Variants in NEURL1 observed in about 807,000 individuals in gnomAD.
The protein encoded by NEURL1 is neuralized E3 ubiquitin protein ligase 1.
A neutral mutation model predicts 41.2 loss-of-function variants in NEURL1; 26 were observed. The observed-to-expected ratio is 0.63, with a 90% CI of 0.46 to 0.87. NEURL1 has a LOEUF of 0.87. Among genes scored for constraint, NEURL1 ranks in the 40% least tolerant of loss-of-function variants. The pLI, the probability that NEURL1 is intolerant of heterozygous loss-of-function variation, is 0.00. For synonymous variants in NEURL1, 400 were observed against 402.3 expected, an observed-to-expected ratio of 0.99 and a Z score of 0.07; for missense variants, 761 against 871.1, an observed-to-expected ratio of 0.87 and a Z score of 1.59.
chr10:103,510,729 C>A (rs568850986), intron 1 of NEURL1, among the ~76,000 whole-genome samples: 2 of 152,322 alleles, frequency 1.3e-5, no homozygotes, highest in Non-Finnish European at 2.9e-5. Context: ...AGGACTGCCA[C>A]CCACACCCCT....
chr10:103,591,545 C>T lies in NEURL1; in HGVS notation c.*1173C>T, dbSNP rs894392890. The T allele has an allele frequency of 6.6e-6, 1 of 152,008 alleles. No homozygotes were observed. The highest frequency in any genetic ancestry group is 1.5e-5 in the Non-Finnish European group (1 of 68,014). 9.4% of individuals were successfully genotyped at this position (152,008 alleles called of 1,614,324 possible). A position where few individuals can be genotyped will look rare whatever the true frequency, so the allele number is the denominator to read the frequency against. ...GAGGCAGTCATAATGCAGTATCTTCCCCTGACTCCAGCCACAAAGCTCATA... is the reference window on the plus strand; with the variant it reads ...GAGGCAGTCATAATGCAGTATCTTCTCCTGACTCCAGCCACAAAGCTCATA... On this transcript the variant is annotated 3_prime_UTR_variant, in exon 6 of 6. Transcript: ENST00000369780.
Position 103,584,779 on chromosome 10 carries a change from C to T in NEURL1, c.893C>T (p.Ala298Val). The T allele has an allele frequency of 6.9e-7, 1 of 1,441,960 alleles. No homozygotes were observed. The highest frequency in any genetic ancestry group is 9.1e-7 in the Non-Finnish European group (1 of 1,102,582). The allele number at this position is 1,441,960 out of a possible 1,614,324, so 89.3% of individuals were successfully genotyped here. The part of the protein sequence containing the change: ...AQLDGDLRFH[A>V]LRAGAHVRIL... The stretch of plus-strand genomic sequence containing the variant: ...CTCGACGGCGACCTGCGTTTCCACG[C>T]CCTGCGCGCCGGCGCGCACGTCCGC... Residue 298 changes from alanine (A) to valine (V), a missense_variant, in exon 4 of 6, where the codon GCC (alanine) becomes GTC (valine). Around this residue, in one of 5 missense-constraint regions of NEURL1, gnomAD observed 443 missense variants for 408.1 expected, o/e 1.09. Transcript: ENST00000369780.
intron 3 of NEURL1, among the ~76,000 whole-genome samples, chr10:103,577,311 G>C (rs2035686932): frequency 6.6e-6 from 1 of 152,086 alleles, no homozygotes; most frequent in Non-Finnish European, 1.5e-5. Flanking sequence ...CATTCAAAAT[G>C]ACCCTTCCTC....
At chr10:103,506,483 T>G (rs2033947702) in intron 1 of NEURL1, among the ~76,000 whole-genome samples, 1 of 152,116 alleles carries the variant, frequency 6.6e-6, no homozygotes, top group South Asian at 2.1e-4. Flanking sequence ...GGGCCCTGCC[T>G]TGTCCAATTC....
chr10:103,555,199 C>G (rs546184966), intron 1 of NEURL1: 2 of 593,124 alleles, frequency 3.4e-6, no homozygotes, highest in African/African-American at 4.3e-5. Context: ...GGGCGGCGTG[C>G]GCGTGTGCCG....
intron 1 of NEURL1, among the ~76,000 whole-genome samples, chr10:103,551,490 G>C (rs2035031418): frequency 6.6e-6 from 1 of 151,954 alleles, no homozygotes; most frequent in African/African-American, 2.4e-5. Flanking sequence ...TTTTGGTAGA[G>C]ATGGGGTTTC....
rs1326152759 is a variant in NEURL1 at position 103,591,343 on chromosome 10, TG to T, written c.*975del. 1 of 152,526 alleles carries T rather than the reference TG, an allele frequency of 6.6e-6. No homozygotes were observed. Among genetic ancestry groups the T allele is most frequent in the Non-Finnish European group, 1.5e-5 (1 of 68,102 alleles). 9.4% of individuals were successfully genotyped at this position (152,526 alleles called of 1,614,324 possible). A position where few individuals can be genotyped will look rare whatever the true frequency, so the allele number is the denominator to read the frequency against. On this transcript the variant is annotated 3_prime_UTR_variant, in exon 6 of 6. Transcript: ENST00000369780. ...ACCTGGGATGGGCCAGGGCCCTGGG[TG>T]GGGAGGTGTGGGTTCCCTGGGCCAA...
At chr10:103,559,461 G>A (rs1007579597) in intron 1 of NEURL1, among the ~76,000 whole-genome samples, 7 of 152,122 alleles carry the variant, frequency 4.6e-5, no homozygotes, top group Non-Finnish European at 7.4e-5. Context: ...GGCAGTTGGA[G>A]CTGAAGGTGG....
intron 3 of NEURL1, among the ~76,000 whole-genome samples, chr10:103,579,387 G>A (rs897323744): frequency 3.9e-5 from 6 of 152,190 alleles, no homozygotes; most frequent in African/African-American, 1.4e-4. Context: ...CTGTAAAGGA[G>A]AGAAGACTCA....
chr10:103,499,901 C>G (rs956352275), intron 1 of NEURL1, among the ~76,000 whole-genome samples: 1 of 152,228 alleles, frequency 6.6e-6, no homozygotes, highest in African/African-American at 2.4e-5. Flanking sequence ...TCCCAAAGTA[C>G]TATCTTCATC....
chr10:103,495,809 A>T (rs1468001400), intron 1 of NEURL1, among the ~76,000 whole-genome samples: 1 of 152,174 alleles, frequency 6.6e-6, no homozygotes, highest in African/African-American at 2.4e-5. Flanking sequence ...AAGATACTTT[A>T]AAAATATCAA....
At chr10:103,535,728 G>C (rs542372986) in intron 1 of NEURL1, among the ~76,000 whole-genome samples, 1 of 152,164 alleles carries the variant, frequency 6.6e-6, no homozygotes, top group Non-Finnish European at 1.5e-5. Context: ...AGAAGGAGGG[G>C]TAGATGGAGT....
At chr10:103,562,259 T>G (rs2035311013) in intron 1 of NEURL1, among the ~76,000 whole-genome samples, 1 of 152,170 alleles carries the variant, frequency 6.6e-6, no homozygotes, top group African/African-American at 2.4e-5. Flanking sequence ...GGCTCGCGCC[T>G]GTAATCCCAG....
At chr10:103,548,024 T>C (rs560994923) in intron 1 of NEURL1, among the ~76,000 whole-genome samples, 16 of 152,220 alleles carry the variant, frequency 1.1e-4, no homozygotes, top group Admixed American at 5.2e-4. Context: ...GCAAATCTTA[T>C]GTATTCAGAC....
intron 1 of NEURL1, among the ~76,000 whole-genome samples, chr10:103,540,902 C>CA (rs1298072273): frequency 1.3e-5 from 2 of 152,194 alleles, no homozygotes; most frequent in Non-Finnish European, 2.9e-5. Context: ...TGGGCCACAT[C>CA]AGTCATTTCT....
chr10:103,536,456 A>G (rs1042441646), intron 1 of NEURL1, among the ~76,000 whole-genome samples: 9 of 152,120 alleles, frequency 5.9e-5, no homozygotes, highest in Non-Finnish European at 2.9e-5. Flanking sequence ...AGGCAGGAGA[A>G]TCTCTTGAAC....
At chr10:103,540,289 C>CTT (rs3976809) in intron 1 of NEURL1, among the ~76,000 whole-genome samples, 38,955 of 151,246 alleles carry the variant, frequency 0.26, 6,544 homozygotes, top group African/African-American at 0.48. Flanking sequence ...TATTTTCAGA[C>CTT]TTTTTTTTTA....
At chr10:103,513,089 C>G (rs1049737945) in intron 1 of NEURL1, among the ~76,000 whole-genome samples, 2 of 152,142 alleles carry the variant, frequency 1.3e-5, no homozygotes, top group Non-Finnish European at 2.9e-5. Flanking sequence ...ACCATGGCCA[C>G]CATCACCCGG....
At chr10:103,568,867 T>A (rs2133876379) in intron 1 of NEURL1, among the ~76,000 whole-genome samples, 1 of 152,348 alleles carries the variant, frequency 6.6e-6, no homozygotes, top group African/African-American at 2.4e-5. Flanking sequence ...CAGCCTGGAA[T>A]GCAGTGGAAC....
Sources: gnomAD v4.1 joint callset for allele counts (sites outside exome capture counted in the v4.1 genomes callset) on GRCh38, gnomAD v4.1.1 for gene constraint, gnomAD v4.1.1 regional missense constraint, MANE v1.5 for transcripts, NCBI Gene and HGNC (gene_info 2026-07-23, HGNC 2026-07-21) for gene names.